PLEKHM3: variants seen among roughly 807,000 people sequenced by gnomAD.
The protein encoded by PLEKHM3 is pleckstrin homology domain containing M3.
Under a neutral mutation model 81.8 loss-of-function variants are expected in PLEKHM3, and 45 were observed. That is an observed-to-expected ratio of 0.55 (90% CI 0.43 to 0.71). The LOEUF is 0.71. Among genes scored for constraint, PLEKHM3 ranks in the 30% least tolerant of loss-of-function variants. The probability of loss-of-function intolerance (pLI) is 0.00; values close to 1 mark genes in which losing one functional copy is unlikely to be tolerated. For synonymous variants in PLEKHM3, 352 were observed against 356.4 expected (o/e 0.99, Z 0.14); for missense variants, 788 against 924.3 (o/e 0.85, Z 1.91).
At chr2:208,011,880 C>T (rs570965501) in intron 1 of PLEKHM3, among the ~76,000 whole-genome samples, 1 of 145,650 alleles carries the variant, frequency 6.9e-6, no homozygotes, top group African/African-American at 2.6e-5. Context: ...TCACGGCAAC[C>T]TCTGCCTCCT....
chr2:208,013,669 T>C (rs1692778925), intron 1 of PLEKHM3, among the ~76,000 whole-genome samples: 1 of 152,200 alleles, frequency 6.6e-6, no homozygotes, highest in Non-Finnish European at 1.5e-5. Flanking sequence ...TCACAAGCTG[T>C]TCAAGTCTTT....
rs184820959 is a variant in PLEKHM3, at chr2:207,914,509, A to C, written c.1887-5932T>G. Reference sequence around the variant, plus strand: ...ATGAAACTCCGTCTCAAAAAAAAAAACAAAAAACAAAATATAAAATAAATT... The same window carrying C: ...ATGAAACTCCGTCTCAAAAAAAAAACCAAAAAACAAAATATAAAATAAATT... On this transcript the variant is annotated intron_variant, in intron 5 of 7. Transcript: ENST00000427836. Among the ~76,000 whole-genome samples, 631 of 151,448 alleles carry C rather than the reference A, an allele frequency of 4.2e-3. 5 individuals carry two copies. Among genetic ancestry groups the C allele is most frequent in the Middle Eastern group, 0.031 (9 of 294 alleles).
chr2:207,864,237 T>C (rs890944032), intron 6 of PLEKHM3, among the ~76,000 whole-genome samples: 5 of 152,194 alleles, frequency 3.3e-5, no homozygotes, highest in African/African-American at 9.6e-5. Flanking sequence ...AAGCCATAGA[T>C]AGACCTTCTT....
At chr2:207,923,244 G>A (rs900257760) in intron 5 of PLEKHM3, among the ~76,000 whole-genome samples, 1 of 152,108 alleles carries the variant, frequency 6.6e-6, no homozygotes, top group Non-Finnish European at 1.5e-5. Flanking sequence ...ATATGTTAGA[G>A]GGACTGAGGA....
At chr2:207,914,599 T>C (rs1463504788) in intron 5 of PLEKHM3, among the ~76,000 whole-genome samples, 2 of 151,404 alleles carry the variant, frequency 1.3e-5, no homozygotes, top group South Asian at 2.1e-4. Flanking sequence ...GGAGGATCAA[T>C]TGAGCCCAGG....
chr2:207,852,844 TAAAAAGAA>T (rs887550438), intron 7 of PLEKHM3: 2 of 424,654 alleles, frequency 4.7e-6, no homozygotes, highest in Non-Finnish European at 9.1e-6. Flanking sequence ...ATCTAAAATT[TAAAAAGAA>T]AAAAAGAAAA....
rs2092222409 is a variant in PLEKHM3 at position 207,822,266 on chromosome 2, C to T, written c.*6053G>A. Reference sequence around the variant, plus strand: ...CACAATTTATCTAAGAGGCTTCCCACTTCTTATTTGGAAAACAGGTGGCAA... The same window carrying T: ...CACAATTTATCTAAGAGGCTTCCCATTTCTTATTTGGAAAACAGGTGGCAA... On this transcript the variant is annotated 3_prime_UTR_variant, in exon 8 of 8. Coordinates refer to ENST00000427836, the MANE Select transcript of PLEKHM3 (RefSeq NM_001080475.3). The T allele has an allele frequency of 6.6e-6, 1 of 152,632 alleles. No individual in the cohort carries two copies. The highest frequency in any genetic ancestry group is 2.4e-5 in the African/African-American group (1 of 41,464). The allele number at this position is 152,632 out of a possible 1,614,324, so 9.5% of individuals were successfully genotyped here.
chr2:207,861,725 G>C lies in PLEKHM3; in HGVS notation c.1951-463C>G, dbSNP rs186242499. 6.9e-3 allele frequency among the ~76,000 whole-genome samples: 1,056 copies of C among 152,192 alleles called. 10 individuals are homozygous for C. The highest frequency in any genetic ancestry group is 0.024 in the African/African-American group (987 of 41,484). On this transcript the variant is annotated intron_variant, in intron 6 of 7. Coordinates refer to ENST00000427836, the MANE Select transcript of PLEKHM3 (RefSeq NM_001080475.3). ...TTTCACCATCTTCCCCAAGAACATA[G>C]AGTAAATGGGGAAAAATAGGTTTCT...
chr2:207,973,529 G>A (rs888083594), intron 3 of PLEKHM3, among the ~76,000 whole-genome samples: 2 of 151,994 alleles, frequency 1.3e-5, no homozygotes, highest in African/African-American at 4.8e-5. Context: ...ACCTGAGGTC[G>A]GGAGTTTGAG....
intron 6 of PLEKHM3, among the ~76,000 whole-genome samples, chr2:207,891,074 G>A (rs1688046337): frequency 6.6e-6 from 1 of 152,188 alleles, no homozygotes; most frequent in Non-Finnish European, 1.5e-5. Context: ...ATTAGTAGTG[G>A]TGGTGGATGT....
intron 6 of PLEKHM3, among the ~76,000 whole-genome samples, chr2:207,875,600 G>T (rs549925525): frequency 6.6e-6 from 1 of 152,320 alleles, no homozygotes; most frequent in African/African-American, 2.4e-5. Context: ...GGGAAATGTG[G>T]AGGGTGTTCA....
chr2:207,858,136 ATGTGTGTGTGTGTGTGTGTGTGTGTG>A (rs141449083), intron 7 of PLEKHM3, among the ~76,000 whole-genome samples: 1 of 126,922 alleles, frequency 7.9e-6, no homozygotes, highest in Admixed American at 8.3e-5. Context: ...TCATATAGAT[ATGTGTGTGTGTGTGTGTGTGTGTGTG>A]TGTGTGTGTG....
intron 7 of PLEKHM3, among the ~76,000 whole-genome samples, chr2:207,833,630 G>C (rs1429028869): frequency 6.6e-6 from 1 of 152,140 alleles, no homozygotes; most frequent in Non-Finnish European, 1.5e-5. Flanking sequence ...ATGTGTAGCA[G>C]CATCCCTGGC....
chr2:207,880,994 G>T (rs2092588760), intron 6 of PLEKHM3, among the ~76,000 whole-genome samples: 1 of 151,152 alleles, frequency 6.6e-6, no homozygotes, highest in Admixed American at 6.6e-5. Context: ...ACTTTGAAAA[G>T]GTTCAGAATA....
chr2:207,995,232 A>G (rs1692031876), intron 2 of PLEKHM3, among the ~76,000 whole-genome samples: 3 of 152,242 alleles, frequency 2.0e-5, no homozygotes, highest in Admixed American at 2.0e-4. Context: ...AGTTAAATGC[A>G]GGAAACAATC....
At chr2:207,997,367 T>C (rs948260674) in intron 2 of PLEKHM3, among the ~76,000 whole-genome samples, 13 of 152,166 alleles carry the variant, frequency 8.5e-5, no homozygotes, top group African/African-American at 2.9e-4. Context: ...TTGGACTTAC[T>C]ACAGGAGGAA....
At position 207,861,121 on chromosome 2, in the gene PLEKHM3, C is replaced by T. The variant is rs1296855409; in HGVS notation, c.2092G>A (p.Asp698Asn). 4 of 1,613,518 alleles carry T rather than the reference C, an allele frequency of 2.5e-6. No homozygotes were observed. Among genetic ancestry groups the T allele is most frequent in the Non-Finnish European group, 3.4e-6 (4 of 1,179,852 alleles). The change falls in exon 7 of 8, where the codon GAT becomes AAT. Residue 698 changes from aspartate to asparagine, a missense_variant. Physicochemically the swap from Asp to Asn is conservative, Grantham distance 23. Transcript: ENST00000427836. The stretch of plus-strand genomic sequence containing the variant: ...ATTCTGTACCTGCTTGTTGAAATAT[C>T]CTCAAAAGGGTAGAGGATCTCTCCA... ...NNGEILYPFE[D>N]ISTSRCESCG... is the part of the protein sequence containing the mutation.
At chr2:207,994,462 T>C (rs2106076029) in intron 2 of PLEKHM3, among the ~76,000 whole-genome samples, 1 of 152,010 alleles carries the variant, frequency 6.6e-6, no homozygotes, top group Non-Finnish European at 1.5e-5. Flanking sequence ...TTTATACAAC[T>C]AAGAGCAGTG....
chr2:208,017,210 AG>A (rs1292668085), intron 1 of PLEKHM3, among the ~76,000 whole-genome samples: 6 of 152,166 alleles, frequency 3.9e-5, no homozygotes, highest in Non-Finnish European at 8.8e-5. Flanking sequence ...CTGTGATGTG[AG>A]GAAAATAAGG....
Sources: gnomAD v4.1 joint callset for allele counts (sites outside exome capture counted in the v4.1 genomes callset) on GRCh38, gnomAD v4.1.1 for gene constraint, MANE v1.5 for transcripts, NCBI Gene and HGNC (gene_info 2026-07-23, HGNC 2026-07-21) for gene names.